Variants in NDST4 observed in about 807,000 individuals in gnomAD.
The protein encoded by NDST4 is N-deacetylase and N-sulfotransferase 4.
A neutral mutation model predicts 100.8 loss-of-function variants in NDST4; 63 were observed. That is an observed-to-expected ratio of 0.62 (90% confidence interval 0.51 to 0.77). NDST4 has a LOEUF of 0.77. Ranked by LOEUF, NDST4 falls within the 30% of genes least tolerant of loss-of-function variation. The probability of loss-of-function intolerance (pLI) is 0.00; values close to 1 mark genes in which losing one functional copy is unlikely to be tolerated. For synonymous variants in NDST4, 377 were observed against 361.8 expected (o/e 1.04, Z -0.48); for missense variants, 943 against 1,018.4 (o/e 0.93, Z 1.01).
intron 4 of NDST4, among the ~76,000 whole-genome samples, chr4:114,959,903 T>A (rs943809313): frequency 2.6e-5 from 4 of 152,074 alleles, no homozygotes; most frequent in Non-Finnish European, 4.4e-5. Flanking sequence ...ACTTTGCAAA[T>A]TTGGTGAAAA....
chr4:115,022,251 G>A (rs951298114), intron 2 of NDST4, among the ~76,000 whole-genome samples: 6 of 146,714 alleles, frequency 4.1e-5, no homozygotes, highest in East Asian at 2.0e-4. Flanking sequence ...GTCTATGCAC[G>A]TTCCATATAT....
intron 6 of NDST4, among the ~76,000 whole-genome samples, chr4:114,934,846 T>C (rs1022468196): frequency 1.3e-5 from 2 of 152,078 alleles, no homozygotes; most frequent in Admixed American, 6.5e-5. Context: ...CAAAGCATCA[T>C]GTTGTACTGT....
chr4:114,924,895 A>G (rs1434860603), intron 6 of NDST4, among the ~76,000 whole-genome samples: 4 of 152,132 alleles, frequency 2.6e-5, no homozygotes, highest in Non-Finnish European at 5.9e-5. Flanking sequence ...GGATATCCCA[A>G]TTACATTGAC....
chr4:115,070,844 C>T (rs1729060441), intron 2 of NDST4, among the ~76,000 whole-genome samples: 1 of 152,080 alleles, frequency 6.6e-6, no homozygotes, highest in Admixed American at 6.6e-5. Flanking sequence ...GTGGCTCATG[C>T]CTGTAATCCC....
At chr4:114,981,213 G>C (rs917572918) in intron 2 of NDST4, among the ~76,000 whole-genome samples, 20 of 118,846 alleles carry the variant, frequency 1.7e-4, no homozygotes, top group African/African-American at 7.0e-4. Flanking sequence ...GAAGAAGAAA[G>C]GATGGAAGGA....
Position 115,078,071 on chromosome 4 carries a change from C to A in NDST4, c.-246-789G>T, listed in dbSNP as rs926818704. Among the ~76,000 whole-genome samples, 30 of 151,516 alleles carry A rather than the reference C, an allele frequency of 2.0e-4. 1 individual carries two copies. The East Asian group carries it at 4.1e-3, about 21-fold the overall frequency. ...TATTTCTCTATCACTTCCTTTAGTT[C>A]AAAAAAAATGAATGTAGAATGCATT... On this transcript the variant is annotated intron_variant, in intron 1 of 13. Coordinates refer to ENST00000264363, the MANE Select transcript of NDST4 (RefSeq NM_022569.3).
rs778795046 is a variant in NDST4 at position 115,076,037 on chromosome 4, T to C, written c.978+22A>G. On this transcript the variant is annotated intron_variant, in intron 2 of 13. Transcript: ENST00000264363. ...CCATATTGTGAAATACAAATTTCGA[T>C]GTTGTCTATAAATAAGCTTACCTTC... 5.7e-6 allele frequency: 9 copies of C among 1,572,072 alleles called. No homozygotes were observed. In the East Asian group the frequency reaches 2.0e-4, roughly 35 times the overall value.
chr4:115,006,403 A>G (rs1727417922), intron 2 of NDST4, among the ~76,000 whole-genome samples: 1 of 152,160 alleles, frequency 6.6e-6, no homozygotes, highest in Non-Finnish European at 1.5e-5. Context: ...TTGGAATCCT[A>G]TAACTATAAA....
chr4:115,033,045 A>G (rs1301436658), intron 2 of NDST4, among the ~76,000 whole-genome samples: 1 of 150,254 alleles, frequency 6.7e-6, no homozygotes, highest in African/African-American at 2.4e-5. Context: ...TACTTTGTCA[A>G]TTTATCTATA....
At chr4:114,904,229 A>G (rs1260662195) in intron 6 of NDST4, among the ~76,000 whole-genome samples, 2 of 151,908 alleles carry the variant, frequency 1.3e-5, no homozygotes, top group Non-Finnish European at 2.9e-5. Flanking sequence ...AGCAATATAC[A>G]TTTTTTAACT....
intron 2 of NDST4, among the ~76,000 whole-genome samples, chr4:114,980,604 G>A (rs1186962368): frequency 6.6e-6 from 1 of 151,692 alleles, no homozygotes; most frequent in Non-Finnish European, 1.5e-5. Flanking sequence ...ATTGCGCAAT[G>A]GCACTCCAGC....
intron 2 of NDST4, among the ~76,000 whole-genome samples, chr4:115,055,031 C>T (rs922611700): frequency 1.3e-5 from 2 of 152,062 alleles, no homozygotes; most frequent in African/African-American, 2.4e-5. Context: ...TGCATTATCA[C>T]CCGAGCGCCA....
chr4:115,054,703 G>T (rs1222251335), intron 2 of NDST4, among the ~76,000 whole-genome samples: 1 of 152,140 alleles, frequency 6.6e-6, no homozygotes, highest in Non-Finnish European at 1.5e-5. Context: ...AAAACCAATG[G>T]CAGTCAGTGA....
chr4:115,112,223 A>T (rs899207567), intron 1 of NDST4, among the ~76,000 whole-genome samples: 1 of 151,520 alleles, frequency 6.6e-6, no homozygotes. Context: ...AAACCTTTAC[A>T]TCGTTGTGGG....
chr4:114,839,169 A>T (rs1723372102), intron 11 of NDST4, among the ~76,000 whole-genome samples: 2 of 152,232 alleles, frequency 1.3e-5, no homozygotes, highest in South Asian at 4.1e-4. Context: ...TAATAAAATT[A>T]AAAATGTAAA....
At chr4:115,007,410 C>T (rs1036814192) in intron 2 of NDST4, among the ~76,000 whole-genome samples, 6 of 152,086 alleles carry the variant, frequency 3.9e-5, no homozygotes. Flanking sequence ...ACAGGCTATA[C>T]GCAATTGAAA....
intron 2 of NDST4, among the ~76,000 whole-genome samples, chr4:115,048,539 G>A (rs1728512798): frequency 6.6e-6 from 1 of 152,210 alleles, no homozygotes; most frequent in Non-Finnish European, 1.5e-5. Context: ...CTCAGTCTAC[G>A]AGAATTTTTA....
At chr4:115,038,518 A>G (rs1728280989) in intron 2 of NDST4, among the ~76,000 whole-genome samples, 1 of 152,178 alleles carries the variant, frequency 6.6e-6, no homozygotes, top group Non-Finnish European at 1.5e-5. Context: ...CCACTCACTG[A>G]ATTTAATATT....
At chr4:115,003,020 T>C (rs1286692490) in intron 2 of NDST4, among the ~76,000 whole-genome samples, 1 of 152,026 alleles carries the variant, frequency 6.6e-6, no homozygotes, top group Non-Finnish European at 1.5e-5. Context: ...TAAGTTACAG[T>C]TGAACAATGA....
Sources: gnomAD v4.1 joint callset for allele counts (sites outside exome capture counted in the v4.1 genomes callset) on GRCh38, gnomAD v4.1.1 for gene constraint, MANE v1.5 for transcripts, NCBI Gene and HGNC (gene_info 2026-07-23, HGNC 2026-07-21) for gene names.